The following POR variants were observed in gnomAD, a reference collection of about 807,000 sequenced individuals.
The protein encoded by POR is NADPH--cytochrome P450 reductase.
In POR, 56 loss-of-function variants were observed where a neutral mutation model predicts 84.0. That is an observed-to-expected ratio of 0.67 (90% CI 0.54 to 0.83). The LOEUF is 0.83. Among genes scored for constraint, POR ranks in the 40% least tolerant of loss-of-function variants. The pLI, the probability that POR is intolerant of heterozygous loss-of-function variation, is 0.00. For missense variants in POR, 938 were observed against 944.3 expected, an observed-to-expected ratio of 0.99 and a Z score of 0.09; for synonymous variants, 414 against 400.5, an observed-to-expected ratio of 1.03 and a Z score of -0.40.
At chr7:75,930,475 C>G (rs988336616) in intron 1 of POR, among the ~76,000 whole-genome samples, 2 of 152,008 alleles carry the variant, frequency 1.3e-5, no homozygotes, top group Admixed American at 1.3e-4. Context: ...GAGCAAGACC[C>G]TGTCTAAAAA....
intron 1 of POR, among the ~76,000 whole-genome samples, chr7:75,951,991 G>A (rs1554552907): frequency 1.3e-5 from 2 of 150,938 alleles, no homozygotes; most frequent in Non-Finnish European, 3.0e-5. Flanking sequence ...CTCCCGGACG[G>A]GGCGGCTGGC....
chr7:75,953,693 C>T (rs1787552608), intron 1 of POR, among the ~76,000 whole-genome samples: 1 of 152,204 alleles, frequency 6.6e-6, no homozygotes, highest in African/African-American at 2.4e-5. Flanking sequence ...GAGTCAGTGG[C>T]TGTCATTTTC....
intron 12 of POR, 52 bp from the exon 13 acceptor site, chr7:75,985,527 G>A (rs1261090667): frequency 6.8e-6 from 10 of 1,469,164 alleles, no homozygotes; most frequent in Admixed American, 2.5e-5. Flanking sequence ...TGGGGCCGGG[G>A]CTGGGCAAGG....
At chr7:75,962,873 C>T (rs923378468) in intron 2 of POR, among the ~76,000 whole-genome samples, 5 of 152,166 alleles carry the variant, frequency 3.3e-5, no homozygotes, top group East Asian at 1.9e-4. Flanking sequence ...TTTTCCTTAG[C>T]GACACGTCAG....
intron 1 of POR, among the ~76,000 whole-genome samples, chr7:75,933,605 G>A (rs1563403442): frequency 6.6e-6 from 1 of 152,002 alleles, no homozygotes; most frequent in Non-Finnish European, 1.5e-5. Flanking sequence ...TGCCCAGGCT[G>A]GTTTCTAACT....
chr7:75,971,652 G>A (rs1031938795), intron 2 of POR, among the ~76,000 whole-genome samples: 3 of 152,160 alleles, frequency 2.0e-5, no homozygotes, highest in African/African-American at 7.2e-5. Flanking sequence ...GGAACGCAGA[G>A]AAGGGAAAAA....
intron 3 of POR, among the ~76,000 whole-genome samples, chr7:75,978,592 C>T (rs1044275911): frequency 3.9e-5 from 6 of 152,168 alleles, no homozygotes; most frequent in African/African-American, 1.2e-4. Context: ...GGCGCGATCT[C>T]GGCTCACCAC....
chr7:75,975,665 A>C (rs1457950515), intron 3 of POR, among the ~76,000 whole-genome samples: 2 of 151,928 alleles, frequency 1.3e-5, no homozygotes, highest in Non-Finnish European at 2.9e-5. Flanking sequence ...GGTTCTTTTC[A>C]CTGGGCGCAA....
chr7:75,961,310 T>C (rs1405104075), intron 2 of POR, among the ~76,000 whole-genome samples: 1 of 148,120 alleles, frequency 6.8e-6, no homozygotes, highest in Non-Finnish European at 1.5e-5. Flanking sequence ...CTGGTCATAC[T>C]GGACCCACAG....
chr7:75,977,997 G>C (rs553090327), intron 3 of POR, among the ~76,000 whole-genome samples: 2 of 152,326 alleles, frequency 1.3e-5, no homozygotes, highest in African/African-American at 4.8e-5. Flanking sequence ...CTTTTCAACA[G>C]CTGCTGGAGG....
At chr7:75,929,622 T>TGG (rs1196011455) in intron 1 of POR, among the ~76,000 whole-genome samples, 2 of 152,110 alleles carry the variant, frequency 1.3e-5, no homozygotes, top group Admixed American at 1.3e-4. Flanking sequence ...CAAGCAACGC[T>TGG]GGGGAAGGAA....
chr7:75,963,151 G>A (rs1327991106), intron 2 of POR, among the ~76,000 whole-genome samples: 2 of 152,140 alleles, frequency 1.3e-5, no homozygotes, highest in Non-Finnish European at 1.5e-5. Context: ...TGGATCTGGG[G>A]GTCTTGCCAC....
At chr7:75,984,715 G>T (rs946486706) in intron 10 of POR, 62 bp from the exon 11 acceptor site, 31 of 1,489,902 alleles carry the variant, frequency 2.1e-5, no homozygotes, top group Non-Finnish European at 2.8e-5. Flanking sequence ...CCCTCCTGCC[G>T]CAGCCACCCA....
intron 1 of POR, chr7:75,943,971 G>T: frequency 2.3e-6 from 1 of 433,674 alleles, no homozygotes; most frequent in Non-Finnish European, 4.5e-6. Context: ...AAATAGCCAA[G>T]GAAACCTCGA....
Position 75,946,281 on chromosome 7 carries a change from T to G in POR, c.-4-7708T>G, listed in dbSNP as rs1787167755. Among the ~76,000 whole-genome samples the G allele has an allele frequency of 2.0e-5, 3 of 151,982 alleles. 1 individual carries two copies. The South Asian group carries it at 6.2e-4, about 32-fold the overall frequency. The stretch of plus-strand genomic sequence containing the variant: ...GTTGGCTGGTATTCTGACATGTGCC[T>G]TTTTCTGTGCCTAATTTTTTCTTGA... On this transcript the variant is annotated intron_variant, in intron 1 of 15. Coordinates refer to ENST00000461988, the MANE Select transcript of POR (RefSeq NM_000941.3).
At chr7:75,951,512 GC>G (rs1256214116) in intron 1 of POR, among the ~76,000 whole-genome samples, 2 of 152,200 alleles carry the variant, frequency 1.3e-5, no homozygotes, top group Non-Finnish European at 2.9e-5. Context: ...GTTCTGAATG[GC>G]CTGTTCCCAG....
intron 2 of POR, among the ~76,000 whole-genome samples, chr7:75,958,932 G>A: frequency 6.6e-6 from 1 of 152,192 alleles, no homozygotes; most frequent in East Asian, 1.9e-4. Flanking sequence ...ACTTTGGAAT[G>A]TTTGCATTAT....
intron 3 of POR, 90 bp from the exon 4 acceptor site, chr7:75,979,360 GC>G: frequency 3.3e-6 from 5 of 1,500,326 alleles, no homozygotes; most frequent in Middle Eastern, 1.7e-4. Context: ...GGCCTGGAGG[GC>G]CCCCGCCTGC....
At chr7:75,926,553 T>C (rs928403974) in intron 1 of POR, among the ~76,000 whole-genome samples, 4 of 152,064 alleles carry the variant, frequency 2.6e-5, no homozygotes, top group Non-Finnish European at 5.9e-5. Flanking sequence ...CCCAGCACTT[T>C]GGGAGGCCGA....
Sources: allele counts gnomAD v4.1 joint callset (sites outside exome capture counted in the v4.1 genomes callset), GRCh38; gene constraint gnomAD v4.1.1; transcripts MANE v1.5; gene names NCBI Gene and HGNC (gene_info 2026-07-23, HGNC 2026-07-21).